The following ZDHHC1 variants were observed in gnomAD, a reference collection of about 807,000 sequenced individuals.
ZDHHC1 encodes the protein zDHHC palmitoyltransferase 1, also known as palmitoyltransferase ZDHHC1.
ZDHHC1 carries 45 observed loss-of-function variants against 46.9 expected under a neutral mutation model. The observed-to-expected ratio is 0.96, with a 90% CI of 0.76 to 1.23. ZDHHC1 has a LOEUF of 1.23. Among genes scored for constraint, ZDHHC1 ranks in the 50% most tolerant of loss-of-function variants. ZDHHC1 has a pLI of 0.00. For synonymous variants in ZDHHC1, 291 were observed against 286.0 expected (o/e 1.02, Z -0.18); for missense variants, 649 against 670.8 (o/e 0.97, Z 0.36).
chr16:67,400,149 C>T (rs544899066), intron 4 of ZDHHC1, among the ~76,000 whole-genome samples: 137 of 152,316 alleles, frequency 9.0e-4, no homozygotes, highest in Non-Finnish European at 1.6e-3. Context: ...GGCGGGTGCC[C>T]AGTGAATGGC....
chr16:67,407,039 G>A (rs1339242570), intron 2 of ZDHHC1, among the ~76,000 whole-genome samples: 1 of 152,192 alleles, frequency 6.6e-6, no homozygotes, highest in Admixed American at 6.5e-5. Context: ...GCACATGTGA[G>A]GAAGGGAAGG....
Position 67,406,399 on chromosome 16 carries a change from T to C in ZDHHC1, c.53A>G (p.Lys18Arg). 1 of 1,572,172 alleles carries C rather than the reference T, an allele frequency of 6.4e-7. No homozygotes were observed. Residue 18 changes from lysine (K) to arginine (R), a missense_variant, in exon 3 of 12, where the codon AAG becomes AGG. Physicochemically the swap from Lys to Arg is conservative, Grantham distance 26. Coordinates refer to ENST00000565726, the MANE Select transcript of ZDHHC1 (RefSeq NM_001323627.2). The surrounding 1 kb of genome is among the most constrained non-coding windows in gnomAD (Gnocchi z 4.1). ...CTGTGCCGGTGCCGTCCACACACTC[T>C]TCTCAGGGGCCGTCTTGTTGGAGGG... ...NKPSNKTAPE[K>R]SVWTAPAQPS...
At chr16:67,410,830 T>G (rs1022786609) in intron 1 of ZDHHC1, among the ~76,000 whole-genome samples, 15 of 152,018 alleles carry the variant, frequency 9.9e-5, no homozygotes, top group African/African-American at 3.4e-4. Context: ...CACGTCCAGC[T>G]AATTTTTATG....
chr16:67,398,143 A>C, intron 8 of ZDHHC1, 69 bp downstream of exon 8: 1 of 1,493,558 alleles, frequency 6.7e-7, no homozygotes, highest in Admixed American at 1.7e-5. Flanking sequence ...CTGTCTCCTC[A>C]CTGGCTGCTC....
Position 67,394,903 on chromosome 16 carries a change from G to A in ZDHHC1, c.1166-10C>T. ...CTGGGGGCCCTAGGCCCTGCGCAAGGGAAGGGAACATGAGCCCAGTGGCTG... is the reference window on the plus strand; with the variant it reads ...CTGGGGGCCCTAGGCCCTGCGCAAGAGAAGGGAACATGAGCCCAGTGGCTG... On this transcript the variant is annotated splice_polypyrimidine_tract_variant and intron_variant, in intron 11 of 11. Transcript: ENST00000565726. The A allele has an allele frequency of 1.3e-6, 2 of 1,566,654 alleles. No individual in the cohort carries two copies. The highest frequency in any genetic ancestry group is 1.7e-6 in the Non-Finnish European group (2 of 1,157,622).
At position 67,401,115 on chromosome 16, in the gene ZDHHC1, A is replaced by C. The variant is rs1017240486; in HGVS notation, c.270T>G (p.Phe90Leu). 4 of 1,613,970 alleles carry C rather than the reference A, an allele frequency of 2.5e-6. No individual in the cohort carries two copies. Among genetic ancestry groups the C allele is most frequent in the Non-Finnish European group, 3.4e-6 (4 of 1,180,004 alleles). ...TCAGGTGCACCACAAGGTGGCCAGC[A>C]AAGATGGCGCCCATGCACTGGCCCA... The part of the protein sequence containing the change: ...PAGYACMGAI[F>L]AGHLVVHLTA... The change falls in exon 4 of 12, where the codon TTT (phenylalanine) becomes TTG (leucine). Residue 90 changes from phenylalanine to leucine, a missense_variant. Physicochemically the swap from Phe to Leu is conservative, Grantham distance 22 (BLOSUM62 0). Coordinates refer to ENST00000565726, the MANE Select transcript of ZDHHC1 (RefSeq NM_001323627.2). The surrounding 1 kb of genome is among the most constrained non-coding windows in gnomAD (Gnocchi z 4.6).
intron 1 of ZDHHC1, among the ~76,000 whole-genome samples, chr16:67,411,348 T>A (rs2142261832): frequency 6.6e-6 from 1 of 152,258 alleles, no homozygotes; most frequent in East Asian, 1.9e-4. Context: ...GGCCCTGCAC[T>A]GCCAATGGGG....
chr16:67,401,996 C>T lies in ZDHHC1; in HGVS notation c.253-864G>A, dbSNP rs1267370853. Among the ~76,000 whole-genome samples the T allele has an allele frequency of 6.6e-6, 1 of 152,204 alleles. No homozygotes were observed. Among genetic ancestry groups the T allele is most frequent in the African/African-American group, 2.4e-5 (1 of 41,434 alleles). ...CATCCCTCCATCATTCATGCTCTAC[C>T]CATCATCCATCTGCCATCCTTCATT... On this transcript the variant is annotated intron_variant, in intron 3 of 11. Coordinates refer to ENST00000565726, the MANE Select transcript of ZDHHC1 (RefSeq NM_001323627.2). The surrounding 1 kb of genome is among the most constrained non-coding windows in gnomAD (Gnocchi z 4.6).
rs777696357 is a variant in ZDHHC1 at position 67,406,377 on chromosome 16, T to C, written c.75A>G (p.Ala25=). 1 of 1,580,272 alleles carries C rather than the reference T, an allele frequency of 6.3e-7. No individual in the cohort carries two copies. The highest frequency in any genetic ancestry group is 1.2e-5 in the South Asian group (1 of 86,570). The change falls in exon 3 of 12, where the codon GCA becomes GCG. Residue 25 remains alanine, a synonymous_variant. Coordinates refer to ENST00000565726, the MANE Select transcript of ZDHHC1 (RefSeq NM_001323627.2). This position sits in a 1 kb window ranked among gnomAD's most constrained non-coding sequence, Gnocchi z 4.1. ...GCTCAGGGGAGGGTCCGCTGGGCTG[T>C]GCCGGTGCCGTCCACACACTCTTCT... ...APEKSVWTAP[A]QPSGPSPELQ...
Position 67,400,740 on chromosome 16 carries a change from C to A in ZDHHC1, c.428+217G>T, listed in dbSNP as rs1597538135. 2.6e-5 allele frequency among the ~76,000 whole-genome samples: 4 copies of A among 152,310 alleles called. No individual in the cohort carries two copies. The South Asian group carries it at 8.3e-4, about 32-fold the overall frequency. On this transcript the variant is annotated intron_variant, in intron 4 of 11. Transcript: ENST00000565726. ...AATGTTTGGGCAGGGCCAAATGTTT[C>A]CTCCTTTAACTGCTGGAATACTACT...
chr16:67,406,403 C>T lies in ZDHHC1; in HGVS notation c.49G>A (p.Glu17Lys). ...CNKPSNKTAP[E>K]KSVWTAPAQP... ...GCCGGTGCCGTCCACACACTCTTCT[C>T]AGGGGCCGTCTTGTTGGAGGGCTTG... Residue 17 changes from glutamate to lysine, a missense_variant, in exon 3 of 12, where the codon GAG (glutamate) becomes AAG (lysine). Glu to Lys is a moderately conservative substitution (Grantham distance 56). Transcript: ENST00000565726. The surrounding 1 kb of genome is among the most constrained non-coding windows in gnomAD (Gnocchi z 4.1). 1 of 1,568,620 alleles carries T rather than the reference C, an allele frequency of 6.4e-7. No individual in the cohort carries two copies.
In ZDHHC1 at chr16:67,416,442, G is replaced by A. The variant is rs1164244982; in HGVS notation, c.-310C>T. ...CTCCAGCAGGCTGGAGGGGCGGCCA[G>A]GCCAGACCCAGACTGGCTGGGCCTC... On this transcript the variant is annotated 5_prime_UTR_variant, in exon 1 of 12. Transcript: ENST00000565726. 5.5e-6 allele frequency: 1 copy of A among 181,748 alleles called. No homozygotes were observed. The highest frequency in any genetic ancestry group is 1.2e-5 in the Non-Finnish European group (1 of 86,108). The allele number at this position is 181,748 out of a possible 1,614,324, so 11.3% of individuals were successfully genotyped here. A position where few individuals can be genotyped will look rare whatever the true frequency, so the allele number is the denominator to read the frequency against.
chr16:67,407,665 GC>G, intron 2 of ZDHHC1, 101 bp downstream of exon 2: 1 of 770,324 alleles, frequency 1.3e-6, no homozygotes, highest in Non-Finnish European at 2.4e-6. Context: ...CCTCATGTCT[GC>G]CCTCATTAGG....
chr16:67,407,462 C>T (rs1034027092), intron 2 of ZDHHC1, among the ~76,000 whole-genome samples: 1 of 152,186 alleles, frequency 6.6e-6, no homozygotes, highest in Non-Finnish European at 1.5e-5. Flanking sequence ...GAAAGGGTGC[C>T]GCAGACCCCG....
chr16:67,394,559 TAGAG>T lies in ZDHHC1; in HGVS notation c.*47_*50del. ...GGTGCGGCAAGGATGGGGTGTTGCA[TAGAG>T]AGTCAGGCCGGCCGCTCTAACTCGG... On this transcript the variant is annotated 3_prime_UTR_variant, in exon 12 of 12. Transcript: ENST00000565726. The T allele has an allele frequency of 8.0e-6, 9 of 1,128,998 alleles. No individual in the cohort carries two copies. Among genetic ancestry groups the T allele is most frequent in the Non-Finnish European group, 8.7e-6 (8 of 923,140 alleles). The allele number at this position is 1,128,998 out of a possible 1,614,324, so 69.9% of individuals were successfully genotyped here. A position where few individuals can be genotyped will look rare whatever the true frequency, so the allele number is the denominator to read the frequency against.
At chr16:67,410,195 G>T (rs2040728267) in intron 1 of ZDHHC1, among the ~76,000 whole-genome samples, 1 of 152,164 alleles carries the variant, frequency 6.6e-6, no homozygotes, top group African/African-American at 2.4e-5. Flanking sequence ...CTAGCCAGTG[G>T]GGAGGAGGGC....
chr16:67,395,649 C>T (rs1476949812), intron 8 of ZDHHC1, 83 bp from the exon 9 acceptor site: 4 of 1,315,128 alleles, frequency 3.0e-6, no homozygotes, highest in Non-Finnish European at 4.3e-6. Flanking sequence ...GCAGTCCTGC[C>T]CTCATTGGCC....
chr16:67,399,804 G>A (rs1298272020), intron 4 of ZDHHC1, among the ~76,000 whole-genome samples: 4 of 152,094 alleles, frequency 2.6e-5, no homozygotes, highest in Admixed American at 6.5e-5. Context: ...GCAGGTGTGG[G>A]CCCAGGGAGC....
chr16:67,397,643 C>A (rs562214340), intron 8 of ZDHHC1, among the ~76,000 whole-genome samples: 1 of 152,334 alleles, frequency 6.6e-6, no homozygotes, highest in African/African-American at 2.4e-5. Context: ...GGATCACCCC[C>A]ACCCCAGCGG....
Sources: gnomAD v4.1 joint callset for allele counts (sites outside exome capture counted in the v4.1 genomes callset) on GRCh38, gnomAD v4.1.1 for gene constraint, Gnocchi (gnomAD v3.1) non-coding constraint, MANE v1.5 for transcripts, NCBI Gene and HGNC (gene_info 2026-07-23, HGNC 2026-07-21) for gene names.